Variants in NRG3 observed in about 807,000 individuals in gnomAD.
The protein encoded by NRG3 is pro-neuregulin-3, membrane-bound isoform.
A neutral mutation model predicts 66.9 loss-of-function variants in NRG3; 31 were observed. The ratio of observed to expected loss-of-function variants is 0.46; its 90% confidence interval spans 0.35 to 0.63. The LOEUF is 0.63. Among genes scored for constraint, NRG3 ranks in the 20% least tolerant of loss-of-function variants. The pLI is 0.00. For synonymous variants in NRG3, 393 were observed against 359.4 expected (o/e 1.09, Z -1.06); for missense variants, 910 against 878.9 (o/e 1.04, Z -0.45).
At chr10:82,158,374 A>G (rs1219220282) in intron 1 of NRG3, among the ~76,000 whole-genome samples, 1 of 151,620 alleles carries the variant, frequency 6.6e-6, no homozygotes, top group Non-Finnish European at 1.5e-5. Context: ...TCCTGTGAAC[A>G]TGTCTGTTGG....
At chr10:82,576,169 GT>G (rs554723924) in intron 2 of NRG3, among the ~76,000 whole-genome samples, 1 of 151,378 alleles carries the variant, frequency 6.6e-6, no homozygotes, top group Admixed American at 6.6e-5. Context: ...GTTTTGTTTT[GT>G]TTTTTTAATT....
chr10:82,357,849 A>G (rs2083881667), intron 1 of NRG3, among the ~76,000 whole-genome samples: 1 of 152,208 alleles, frequency 6.6e-6, no homozygotes, highest in Non-Finnish European at 1.5e-5. Flanking sequence ...ATTAATCTAA[A>G]TCTCTGTAAA....
At chr10:82,225,515 G>A (rs1196516144) in intron 1 of NRG3, 1 of 152,000 alleles carries the variant, frequency 6.6e-6, no homozygotes, top group Non-Finnish European at 1.5e-5. Context: ...CTGAATGAAG[G>A]GCATGTTACC....
intron 1 of NRG3, among the ~76,000 whole-genome samples, chr10:82,188,518 A>G (rs960944039): frequency 1.3e-5 from 2 of 152,158 alleles, no homozygotes; most frequent in African/African-American, 2.4e-5. Flanking sequence ...GAGATAACCC[A>G]CAGAACGGGA....
chr10:82,559,759 C>A (rs1339648712), intron 2 of NRG3, among the ~76,000 whole-genome samples: 2 of 152,120 alleles, frequency 1.3e-5, no homozygotes, highest in African/African-American at 4.8e-5. Context: ...TGTCACTAAA[C>A]AGTATCAATG....
intron 1 of NRG3, among the ~76,000 whole-genome samples, chr10:82,014,317 G>T (rs959646384): frequency 6.6e-6 from 1 of 152,172 alleles, no homozygotes; most frequent in Non-Finnish European, 1.5e-5. Flanking sequence ...TTTCACAGAA[G>T]AAACTGAGGC....
At chr10:82,558,892 G>A (rs1460782411) in intron 2 of NRG3, among the ~76,000 whole-genome samples, 1 of 151,932 alleles carries the variant, frequency 6.6e-6, no homozygotes, top group African/African-American at 2.4e-5. Context: ...TTTCTACAAA[G>A]GAAAGTGCTC....
intron 2 of NRG3, among the ~76,000 whole-genome samples, chr10:82,443,392 G>A (rs1043177744): frequency 6.6e-6 from 1 of 152,150 alleles, no homozygotes; most frequent in East Asian, 1.9e-4. Context: ...TTTCTTTCAA[G>A]CACTTCATAG....
chr10:82,645,494 C>T (rs2050867992), intron 2 of NRG3, among the ~76,000 whole-genome samples: 1 of 152,180 alleles, frequency 6.6e-6, no homozygotes, highest in Non-Finnish European at 1.5e-5. Context: ...TGTTCCAGTT[C>T]CTTGTTGCAT....
chr10:82,252,771 A>G (rs1243272006), intron 1 of NRG3, among the ~76,000 whole-genome samples: 1 of 152,128 alleles, frequency 6.6e-6, no homozygotes, highest in African/African-American at 2.4e-5. Context: ...AGTACCAAAA[A>G]CTAATAATGA....
At chr10:82,019,893 T>C (rs2061981650) in intron 1 of NRG3, among the ~76,000 whole-genome samples, 1 of 152,148 alleles carries the variant, frequency 6.6e-6, no homozygotes, top group Non-Finnish European at 1.5e-5. Context: ...AACCAGCTCC[T>C]TGATTCATTG....
At chr10:81,896,676 T>C (rs1454907998) in intron 1 of NRG3, among the ~76,000 whole-genome samples, 2 of 148,994 alleles carry the variant, frequency 1.3e-5, no homozygotes, top group South Asian at 2.1e-4. Context: ...TTTTTTTTGG[T>C]TTTCTTTAAA....
intron 1 of NRG3, among the ~76,000 whole-genome samples, chr10:82,099,619 C>A (rs11192502): frequency 2.6e-5 from 4 of 151,990 alleles, no homozygotes; most frequent in African/African-American, 7.3e-5. Context: ...TCTACTGGTA[C>A]CTTGAGGTAT....
chr10:82,326,492 T>C (rs907388866), intron 1 of NRG3, among the ~76,000 whole-genome samples: 13 of 152,280 alleles, frequency 8.5e-5, no homozygotes, highest in Admixed American at 2.6e-4. Flanking sequence ...AAATAGCTTT[T>C]TGTTCTCATC....
chr10:82,933,624 G>C (rs1847793445), intron 4 of NRG3, among the ~76,000 whole-genome samples: 1 of 152,088 alleles, frequency 6.6e-6, no homozygotes, highest in South Asian at 2.1e-4. Context: ...TCTAATGTCA[G>C]ATGCATCAGG....
At chr10:82,453,720 A>G (rs1371425278) in intron 2 of NRG3, among the ~76,000 whole-genome samples, 2 of 151,864 alleles carry the variant, frequency 1.3e-5, no homozygotes, top group African/African-American at 2.4e-5. Flanking sequence ...TTATCTGTAC[A>G]TTAACCAGTT....
chr10:82,226,819 C>T (rs1401716946), intron 1 of NRG3, among the ~76,000 whole-genome samples: 2 of 152,180 alleles, frequency 1.3e-5, no homozygotes, highest in Non-Finnish European at 2.9e-5. Flanking sequence ...CTATTGGACT[C>T]ATAGTCTCTA....
At chr10:82,792,509 C>T (rs1347816471) in intron 3 of NRG3, among the ~76,000 whole-genome samples, 1 of 151,990 alleles carries the variant, frequency 6.6e-6, no homozygotes, top group Non-Finnish European at 1.5e-5. Flanking sequence ...TTAATCTATT[C>T]TTCATCTCTA....
chr10:82,401,481 C>G (rs1031832663), intron 2 of NRG3, among the ~76,000 whole-genome samples: 7 of 151,970 alleles, frequency 4.6e-5, no homozygotes, highest in African/African-American at 1.7e-4. Context: ...CAGTATGAGG[C>G]AGGATCACAG....
Sources: allele counts gnomAD v4.1 joint callset (sites outside exome capture counted in the v4.1 genomes callset), GRCh38; gene constraint gnomAD v4.1.1; transcripts MANE v1.5; gene names NCBI Gene and HGNC (gene_info 2026-07-23, HGNC 2026-07-21).